The following CNKSR3 variants were observed in gnomAD, a reference collection of about 807,000 sequenced individuals.
CNKSR3 encodes CNKSR family member 3.
Under a neutral mutation model 67.7 loss-of-function variants are expected in CNKSR3, and 36 were observed. That is an observed-to-expected ratio of 0.53 (90% CI 0.41 to 0.70). The LOEUF (loss-of-function observed/expected upper bound fraction) is 0.70. Among genes scored for constraint, CNKSR3 ranks in the 30% least tolerant of loss-of-function variants. CNKSR3 has a pLI of 0.00. For synonymous variants in CNKSR3, 281 were observed against 271.4 expected, an observed-to-expected ratio of 1.04 and a Z score of -0.35; for missense variants, 630 against 695.2, an observed-to-expected ratio of 0.91 and a Z score of 1.05.
At chr6:154,448,872 A>G (rs1029040340) in intron 2 of CNKSR3, among the ~76,000 whole-genome samples, 16 of 152,180 alleles carry the variant, frequency 1.1e-4, no homozygotes, top group African/African-American at 3.9e-4. Context: ...CTTTCCCACC[A>G]TTCTCAGTGA....
chr6:154,506,569 C>T (rs114672510), intron 1 of CNKSR3, among the ~76,000 whole-genome samples: 22 of 152,250 alleles, frequency 1.4e-4, no homozygotes, highest in African/African-American at 4.8e-4. Context: ...ATGCAGGAGC[C>T]GCCACCTTGC....
At chr6:154,469,605 C>T (rs1391639264) in intron 1 of CNKSR3, among the ~76,000 whole-genome samples, 1 of 152,164 alleles carries the variant, frequency 6.6e-6, no homozygotes, top group Non-Finnish European at 1.5e-5. Context: ...TATCACCAGT[C>T]CTATGTTCTT....
intron 1 of CNKSR3, among the ~76,000 whole-genome samples, chr6:154,472,823 C>T (rs2114629163): frequency 6.8e-6 from 1 of 146,348 alleles, no homozygotes; most frequent in Non-Finnish European, 1.5e-5. Flanking sequence ...AAAAGCAAAA[C>T]AACAACAACA....
In CNKSR3 at chr6:154,399,233, T is replaced by G. The variant is rs964527821; in HGVS notation, c.*7121A>C. On this transcript the variant is annotated 3_prime_UTR_variant, in exon 13 of 13. Transcript: ENST00000607772. ...CCCTCTGACAGTGTCACACTGGCATTATTTTGCTGCTTATGGACAAAAGAA... is the reference window on the plus strand; with the variant it reads ...CCCTCTGACAGTGTCACACTGGCATGATTTTGCTGCTTATGGACAAAAGAA... The G allele has an allele frequency of 2.6e-5, 4 of 152,202 alleles. No homozygotes were observed. Among genetic ancestry groups the G allele is most frequent in the African/African-American group, 9.7e-5 (4 of 41,430 alleles). 9.4% of individuals were successfully genotyped at this position (152,202 alleles called of 1,614,324 possible). A position where few individuals can be genotyped will look rare whatever the true frequency, so the allele number is the denominator to read the frequency against.
At position 154,418,098 on chromosome 6, in the gene CNKSR3, T is replaced by C. The variant is rs975802930; in HGVS notation, c.946-3675A>G. On this transcript the variant is annotated intron_variant, in intron 9 of 12. Coordinates refer to ENST00000607772, the MANE Select transcript of CNKSR3 (RefSeq NM_173515.4). ...CTACCACCCCCCGCTGCTGGGAATG[T>C]CAGCTGCTAAAGCACACAGCTGCCC... Among the ~76,000 whole-genome samples the C allele has an allele frequency of 5.3e-5, 8 of 152,290 alleles. No homozygotes were observed. In the South Asian group the frequency reaches 1.7e-3, roughly 32 times the overall value.
chr6:154,493,210 C>A (rs565881371), intron 1 of CNKSR3, among the ~76,000 whole-genome samples: 17 of 152,288 alleles, frequency 1.1e-4, no homozygotes, highest in African/African-American at 4.1e-4. Context: ...TTGTCAAGAA[C>A]ATTCTTCCCC....
intron 10 of CNKSR3, among the ~76,000 whole-genome samples, chr6:154,413,668 T>A (rs746607047): frequency 1.3e-5 from 2 of 152,184 alleles, no homozygotes; most frequent in Non-Finnish European, 2.9e-5. Flanking sequence ...AAACTTAACC[T>A]GCAGGGCCCC....
intron 1 of CNKSR3, among the ~76,000 whole-genome samples, chr6:154,471,143 C>G (rs924586509): frequency 1.3e-5 from 2 of 152,200 alleles, no homozygotes; most frequent in Admixed American, 1.3e-4. Context: ...AAGTACTACC[C>G]TCATGATTTT....
chr6:154,449,360 T>C (rs927624770), intron 2 of CNKSR3, among the ~76,000 whole-genome samples: 4 of 152,226 alleles, frequency 2.6e-5, no homozygotes, highest in Non-Finnish European at 5.9e-5. Flanking sequence ...TCTCACTCTG[T>C]CACCCAGGCT....
intron 7 of CNKSR3, among the ~76,000 whole-genome samples, chr6:154,423,399 G>A (rs1478287043): frequency 6.6e-6 from 1 of 152,230 alleles, no homozygotes; most frequent in African/African-American, 2.4e-5. Context: ...GAGTAGCTGA[G>A]ATTACAGGTG....
intron 1 of CNKSR3, among the ~76,000 whole-genome samples, chr6:154,468,236 C>T (rs1035469354): frequency 3.4e-4 from 51 of 151,784 alleles, no homozygotes; most frequent in African/African-American, 1.2e-3. Context: ...GGCACCACCA[C>T]ACCCAGCTAA....
At chr6:154,418,480 T>C (rs530280048) in intron 9 of CNKSR3, among the ~76,000 whole-genome samples, 1 of 152,274 alleles carries the variant, frequency 6.6e-6, no homozygotes, top group Non-Finnish European at 1.5e-5. Flanking sequence ...CATGCTCCCA[T>C]CCGCCAATGC....
At position 154,472,043 on chromosome 6, in the gene CNKSR3, C is replaced by T. The variant is rs143819017; in HGVS notation, c.53-21785G>A. Among the ~76,000 whole-genome samples, 430 of 152,250 alleles carry T rather than the reference C, an allele frequency of 2.8e-3. 5 individuals are homozygous for T. The highest frequency in any genetic ancestry group is 7.1e-4 in the Non-Finnish European group (48 of 68,014). ...GTTTCAACAAAAACAACTTTCAGAG[C>T]AAATATACGTAATACAAATTAAAAT... On this transcript the variant is annotated intron_variant, in intron 1 of 12. Coordinates refer to ENST00000607772, the MANE Select transcript of CNKSR3 (RefSeq NM_173515.4).
In CNKSR3 at chr6:154,398,624, A is replaced by G. The variant is rs1392596911; in HGVS notation, c.*7730T>C. ...CACAGGAAACATAGAAACGAGTTTG[A>G]GGAATACCACTTCAAGATGGGAATG... On this transcript the variant is annotated 3_prime_UTR_variant, in exon 13 of 13. Transcript: ENST00000607772. The G allele has an allele frequency of 6.6e-6, 1 of 152,230 alleles. No homozygotes were observed. Among genetic ancestry groups the G allele is most frequent in the Non-Finnish European group, 1.5e-5 (1 of 68,036 alleles). 9.4% of individuals were successfully genotyped at this position (152,230 alleles called of 1,614,324 possible).
intron 1 of CNKSR3, among the ~76,000 whole-genome samples, chr6:154,466,495 C>T (rs932807731): frequency 4.6e-5 from 7 of 152,254 alleles, no homozygotes; most frequent in African/African-American, 1.7e-4. Flanking sequence ...AGGACCCAGC[C>T]TTGGCCCTTA....
Position 154,422,998 on chromosome 6 carries a change from A to C in CNKSR3, c.730-15T>G. On this transcript the variant is annotated splice_polypyrimidine_tract_variant and intron_variant, in intron 7 of 12. Coordinates refer to ENST00000607772, the MANE Select transcript of CNKSR3 (RefSeq NM_173515.4). The stretch of plus-strand genomic sequence containing the variant: ...TCTGCAGGAGACTGTACAGAAACAA[A>C]ATAACCTGCCTTAATTCTTTTAAAC... 6.4e-7 allele frequency: 1 copy of C among 1,560,518 alleles called. No individual in the cohort carries two copies. Among genetic ancestry groups the C allele is most frequent in the Non-Finnish European group, 8.8e-7 (1 of 1,142,734 alleles).
intron 1 of CNKSR3, among the ~76,000 whole-genome samples, chr6:154,493,228 C>T (rs919371537): frequency 2.0e-5 from 3 of 152,152 alleles, no homozygotes; most frequent in African/African-American, 7.2e-5. Flanking sequence ...CCCCATTAGC[C>T]ACATTGCTCT....
rs973197410 is a variant in CNKSR3, at chr6:154,399,510, A to C, written c.*6844T>G. The C allele has an allele frequency of 6.6e-6, 1 of 152,128 alleles. No individual in the cohort carries two copies. The highest frequency in any genetic ancestry group is 1.5e-5 in the Non-Finnish European group (1 of 68,030). The allele number at this position is 152,128 out of a possible 1,614,324, so 9.4% of individuals were successfully genotyped here. ...TCACCTGCTTCAAGTCACAGATCCCATAAGTGGCAAAGTGAGACAGCTGGA... is the reference window on the plus strand; with the variant it reads ...TCACCTGCTTCAAGTCACAGATCCCCTAAGTGGCAAAGTGAGACAGCTGGA... On this transcript the variant is annotated 3_prime_UTR_variant, in exon 13 of 13. Transcript: ENST00000607772.
chr6:154,481,864 G>C (rs1786574155), intron 1 of CNKSR3, among the ~76,000 whole-genome samples: 1 of 152,170 alleles, frequency 6.6e-6, no homozygotes, highest in African/African-American at 2.4e-5. Flanking sequence ...CTGTACTTCA[G>C]GGAGTAACCA....
Sources: allele counts gnomAD v4.1 joint callset (sites outside exome capture counted in the v4.1 genomes callset), GRCh38; gene constraint gnomAD v4.1.1; transcripts MANE v1.5; gene names NCBI Gene and HGNC (gene_info 2026-07-23, HGNC 2026-07-21).